Variants in PARPBP observed in about 807,000 individuals in gnomAD.
The protein encoded by PARPBP is PARP1 binding protein.
PARPBP carries 52 observed loss-of-function variants against 50.0 expected under a neutral mutation model. The observed-to-expected ratio is 1.04, with a 90% confidence interval of 0.83 to 1.31. The LOEUF (loss-of-function observed/expected upper bound fraction) is 1.31, where lower values mean the gene tolerates loss of function less well. Ranked by LOEUF, PARPBP falls within the 50% of genes most tolerant of loss-of-function variation. The pLI, the probability that PARPBP is intolerant of heterozygous loss-of-function variation, is 0.00. For missense variants in PARPBP, 697 were observed against 672.0 expected (o/e 1.04, Z -0.41); for synonymous variants, 244 against 232.1 (o/e 1.05, Z -0.47).
chr12:102,163,697 C>A (rs1053045584), intron 4 of PARPBP, among the ~76,000 whole-genome samples: 1 of 152,110 alleles, frequency 6.6e-6, no homozygotes, highest in Non-Finnish European at 1.5e-5. Context: ...ACAATACTTT[C>A]TTCTACTCTC....
At chr12:102,174,485 T>G (rs559431967) in intron 6 of PARPBP, among the ~76,000 whole-genome samples, 56 of 152,340 alleles carry the variant, frequency 3.7e-4, no homozygotes, top group African/African-American at 1.3e-3. Flanking sequence ...CTTCATTTCA[T>G]AATTTCCTTT....
intron 2 of PARPBP, among the ~76,000 whole-genome samples, chr12:102,146,943 T>C (rs1266577790): frequency 6.6e-6 from 1 of 152,110 alleles, no homozygotes; most frequent in Non-Finnish European, 1.5e-5. Flanking sequence ...AAGACATTTA[T>C]GCAGCCAAAA....
At chr12:102,193,842 T>TA (rs1345424237) in intron 9 of PARPBP, among the ~76,000 whole-genome samples, 2 of 152,076 alleles carry the variant, frequency 1.3e-5, no homozygotes, top group African/African-American at 4.8e-5. Flanking sequence ...TTCATGAAGG[T>TA]AGTGGGTTGT....
Position 102,164,485 on chromosome 12 carries a change from A to C in PARPBP, c.543A>C (p.Leu181=), listed in dbSNP as rs769868494. 6.8e-6 allele frequency: 11 copies of C among 1,612,712 alleles called. No homozygotes were observed. The highest frequency in any genetic ancestry group is 1.6e-4 in the Middle Eastern group (1 of 6,082). ...TTATCTTTTCATATTTAAATCTGCT[A>C]GTGAATTCAAAGAATGACCTGGCTG... is the stretch of plus-strand genomic sequence containing the variant. ...RKIIFSYLNL[L]VNSKNDLAVA... is the part of the protein sequence containing the mutation. The change falls in exon 5 of 11, where the codon CTA becomes CTC. Residue 181 remains leucine, a synonymous_variant. Transcript: ENST00000327680.
chr12:102,134,850 T>A (rs1447834408), intron 2 of PARPBP, among the ~76,000 whole-genome samples: 1 of 152,138 alleles, frequency 6.6e-6, no homozygotes, highest in African/African-American at 2.4e-5. Flanking sequence ...CTAATTCTTT[T>A]ATTTTTTTAT....
At chr12:102,191,574 C>G (rs1323507271) in intron 9 of PARPBP, among the ~76,000 whole-genome samples, 1 of 152,108 alleles carries the variant, frequency 6.6e-6, no homozygotes, top group Non-Finnish European at 1.5e-5. Context: ...CTCTGAGTGT[C>G]TATGACTTTT....
Position 102,196,259 on chromosome 12 carries a change from C to T in PARPBP, c.1708C>T (p.Gln570Ter). Residue 570 changes from glutamine to a stop codon, truncating the protein, a stop_gained, in exon 11 of 11, where the codon CAG becomes TAG. Transcript: ENST00000327680. LOFTEE classifies it high-confidence loss of function. ...CTAKDKLISG[Q>*]AKLTQFFRL ...TGCCAAGGACAAGTTGATTTCTGGC[C>T]AGGCAAAGTTAACTCAGTTTTTTAG... The T allele has an allele frequency of 3.8e-6, 6 of 1,596,616 alleles. No homozygotes were observed. Among genetic ancestry groups the T allele is most frequent in the Non-Finnish European group, 5.1e-6 (6 of 1,173,602 alleles).
At chr12:102,191,947 A>T (rs563146567) in intron 9 of PARPBP, among the ~76,000 whole-genome samples, 1 of 152,272 alleles carries the variant, frequency 6.6e-6, no homozygotes, top group South Asian at 2.1e-4. Flanking sequence ...AATCAAATAC[A>T]CAGAGAGATT....
chr12:102,173,170 G>C (rs976053296), intron 6 of PARPBP, among the ~76,000 whole-genome samples: 2 of 152,200 alleles, frequency 1.3e-5, no homozygotes, highest in Non-Finnish European at 2.9e-5. Context: ...TTTAGCCCAG[G>C]AACTGGCCAG....
At chr12:102,167,735 T>C (rs1205776695) in intron 6 of PARPBP, among the ~76,000 whole-genome samples, 1 of 152,180 alleles carries the variant, frequency 6.6e-6, no homozygotes, top group East Asian at 1.9e-4. Context: ...CAGTTCCGTA[T>C]GTAGACTTAC....
In PARPBP at chr12:102,197,246, T is replaced by C. The variant is rs2137689887; in HGVS notation, c.*955T>C. The C allele has an allele frequency of 3.4e-6, 4 of 1,188,866 alleles. No homozygotes were observed. The highest frequency in any genetic ancestry group is 4.8e-6 in the Non-Finnish European group (4 of 829,600). The allele number at this position is 1,188,866 out of a possible 1,614,324, so 73.6% of individuals were successfully genotyped here. ...ACTATAATACAATTGTATAATATTC[T>C]TGTTGATCAATTCAAAGTTACTCTG... On this transcript the variant is annotated 3_prime_UTR_variant, in exon 11 of 11. Transcript: ENST00000327680.
chr12:102,163,186 G>A (rs1887780710), intron 4 of PARPBP, among the ~76,000 whole-genome samples: 1 of 152,138 alleles, frequency 6.6e-6, no homozygotes. Flanking sequence ...ATTTCTGCAC[G>A]CTATTCTGTT....
At chr12:102,164,293 G>T in intron 4 of PARPBP, 145 bp from the exon 5 acceptor site, 1 of 640,070 alleles carries the variant, frequency 1.6e-6, no homozygotes, top group East Asian at 2.8e-5. Flanking sequence ...TGCCCAACCT[G>T]TTTTTATATG....
chr12:102,128,928 C>T (rs1882431192), intron 2 of PARPBP, among the ~76,000 whole-genome samples: 1 of 152,182 alleles, frequency 6.6e-6, no homozygotes, highest in Non-Finnish European at 1.5e-5. Context: ...TTTCCACCAA[C>T]AGTATACAAA....
At chr12:102,167,034 G>T (rs374671736) in intron 6 of PARPBP, among the ~76,000 whole-genome samples, 20 of 152,090 alleles carry the variant, frequency 1.3e-4, no homozygotes, top group African/African-American at 4.8e-4. Context: ...TCATCTGTCA[G>T]TTTTTTGCCC....
chr12:102,172,948 T>C (rs931439944), intron 6 of PARPBP, among the ~76,000 whole-genome samples: 3 of 152,200 alleles, frequency 2.0e-5, no homozygotes, highest in Non-Finnish European at 2.9e-5. Context: ...GTGAAAGAAT[T>C]CCTAGGGTCT....
intron 3 of PARPBP, chr12:102,150,128 A>G (rs1594518890): frequency 2.5e-6 from 1 of 407,412 alleles, no homozygotes; most frequent in Non-Finnish European, 4.9e-6. Flanking sequence ...TCTGTGGGAT[A>G]CTCTCTCCAA....
intron 6 of PARPBP, 44 bp from the exon 7 acceptor site, chr12:102,175,439 A>G: frequency 3.1e-6 from 4 of 1,280,930 alleles, no homozygotes; most frequent in Non-Finnish European, 4.5e-6. Flanking sequence ...AGCATATTAT[A>G]ATTTGCAATA....
chr12:102,194,097 A>G (rs1287798018), intron 9 of PARPBP, among the ~76,000 whole-genome samples: 2 of 151,994 alleles, frequency 1.3e-5, no homozygotes, highest in African/African-American at 4.8e-5. Flanking sequence ...GCAGCTGGAC[A>G]GACGAATATT....
Sources: gnomAD v4.1 joint callset for allele counts (sites outside exome capture counted in the v4.1 genomes callset) on GRCh38, gnomAD v4.1.1 for gene constraint, MANE v1.5 for transcripts, NCBI Gene and HGNC (gene_info 2026-07-23, HGNC 2026-07-21) for gene names.